The following KCNN2 variants were observed in gnomAD, a reference collection of about 807,000 sequenced individuals.
KCNN2 encodes the protein potassium calcium-activated channel subfamily N member 2.
In KCNN2, 24 loss-of-function variants were observed where a neutral mutation model predicts 55.5. That is an observed-to-expected ratio of 0.43 (90% CI 0.31 to 0.61). The LOEUF is 0.61. Ranked by LOEUF, KCNN2 falls within the 20% of genes least tolerant of loss-of-function variation. The pLI is 0.08. For missense variants in KCNN2, 754 were observed against 853.6 expected, an observed-to-expected ratio of 0.88 and a Z score of 1.45; for synonymous variants, 431 against 336.1, an observed-to-expected ratio of 1.28 and a Z score of -3.09.
chr5:114,353,597 G>T (rs943206240), intron 2 of KCNN2, among the ~76,000 whole-genome samples: 1 of 151,822 alleles, frequency 6.6e-6, no homozygotes, highest in Non-Finnish European at 1.5e-5. Flanking sequence ...TCTGCTTTCA[G>T]CCTGAAAGCT....
upstream of KCNN2, among the ~76,000 whole-genome samples, chr5:114,358,549 T>C (rs994458275): frequency 1.3e-5 from 2 of 152,192 alleles, no homozygotes; most frequent in Non-Finnish European, 2.9e-5. Context: ...CTGGTGTTAA[T>C]CTAGGGAAAT....
At chr5:114,263,781 A>G (rs896854883) in intron 2 of KCNN2, among the ~76,000 whole-genome samples, 3 of 152,216 alleles carry the variant, frequency 2.0e-5, no homozygotes, top group Admixed American at 6.5e-5. Flanking sequence ...CAACTTGACT[A>G]ACACCTTTTA....
intron 1 of KCNN2, among the ~76,000 whole-genome samples, chr5:114,137,612 A>C (rs968425440): frequency 3.3e-5 from 5 of 152,164 alleles, no homozygotes; most frequent in Non-Finnish European, 7.4e-5. Context: ...GGCATGGCTT[A>C]GAGTGGCAAT....
chr5:114,213,223 A>G (rs999969751), intron 1 of KCNN2, among the ~76,000 whole-genome samples: 1 of 152,010 alleles, frequency 6.6e-6, no homozygotes, highest in Non-Finnish European at 1.5e-5. Context: ...TGGGGCATAC[A>G]CTGTCACAAA....
chr5:114,472,108 A>G (rs1761771939), intron 4 of KCNN2, among the ~76,000 whole-genome samples: 5 of 151,984 alleles, frequency 3.3e-5, no homozygotes. Flanking sequence ...CCTTTCACAG[A>G]CCCCTGAGGT....
intron 2 of KCNN2, among the ~76,000 whole-genome samples, chr5:114,225,079 G>T (rs535741422): frequency 6.6e-6 from 1 of 152,128 alleles, no homozygotes; most frequent in Non-Finnish European, 1.5e-5. Flanking sequence ...ACCTGAAAAG[G>T]TTATTTGACT....
chr5:114,416,390 T>C (rs1389006748), intron 3 of KCNN2, among the ~76,000 whole-genome samples: 1 of 152,180 alleles, frequency 6.6e-6, no homozygotes, highest in East Asian at 1.9e-4. Flanking sequence ...AAAACCAAGC[T>C]CCTCCGTCCC....
intron 2 of KCNN2, among the ~76,000 whole-genome samples, chr5:114,316,718 A>G (rs2150027897): frequency 6.6e-6 from 1 of 152,322 alleles, no homozygotes; most frequent in South Asian, 2.1e-4. Flanking sequence ...CCATATCTCT[A>G]AATCATTAAT....
chr5:114,478,000 G>A (rs1180961750), intron 5 of KCNN2, among the ~76,000 whole-genome samples: 1 of 152,112 alleles, frequency 6.6e-6, no homozygotes, highest in African/African-American at 2.4e-5. Flanking sequence ...CAGCCCAGGG[G>A]GTTAACACAT....
At chr5:114,463,010 A>G (rs536546555) in intron 3 of KCNN2, 39 bp from the exon 4 acceptor site, 1 of 1,592,234 alleles carries the variant, frequency 6.3e-7, no homozygotes, top group Admixed American at 1.7e-5. Context: ...CATATTGGAG[A>G]TTAATTATAA....
In KCNN2 at chr5:114,390,864, A is replaced by G. The variant is rs534242347; in HGVS notation, c.1219-13574A>G. ...TGTGAACATAATTGCATGATAATCT[A>G]TCAACATGCATGCATTGCCTTTTTT... On this transcript the variant is annotated intron_variant, in intron 2 of 7. Transcript: ENST00000673685. 1.1e-4 allele frequency among the ~76,000 whole-genome samples: 16 copies of G among 152,322 alleles called. 1 individual carries two copies. In the South Asian group the frequency reaches 2.7e-3, roughly 26 times the overall value.
chr5:114,329,327 G>A (rs1756765757), intron 2 of KCNN2, among the ~76,000 whole-genome samples: 2 of 152,340 alleles, frequency 1.3e-5, no homozygotes, highest in Admixed American at 1.3e-4. Context: ...ATTTGAGTCA[G>A]TGGACTGGGA....
chr5:114,105,063 C>G (rs1263399772), intron 1 of KCNN2, among the ~76,000 whole-genome samples: 1 of 151,996 alleles, frequency 6.6e-6, no homozygotes, highest in Non-Finnish European at 1.5e-5. Flanking sequence ...ATCACGAGTA[C>G]AATTATATAC....
chr5:114,396,692 G>A (rs1758631323), intron 2 of KCNN2, among the ~76,000 whole-genome samples: 1 of 151,970 alleles, frequency 6.6e-6, no homozygotes, highest in Non-Finnish European at 1.5e-5. Flanking sequence ...GGGACTATAG[G>A]CACGCATCAC....
intron 1 of KCNN2, among the ~76,000 whole-genome samples, chr5:114,079,634 A>C (rs933687125): frequency 3.3e-5 from 5 of 152,126 alleles, no homozygotes; most frequent in Admixed American, 2.6e-4. Context: ...AGAACGTAGA[A>C]CAATACTGCA....
intron 7 of KCNN2, among the ~76,000 whole-genome samples, chr5:114,493,717 G>A (rs1238730009): frequency 2.0e-5 from 3 of 152,140 alleles, no homozygotes; most frequent in African/African-American, 7.2e-5. Flanking sequence ...TGATTTGGAA[G>A]TACCATAAGA....
chr5:114,464,279 C>T (rs1216217675), intron 4 of KCNN2, among the ~76,000 whole-genome samples: 1 of 152,172 alleles, frequency 6.6e-6, no homozygotes, highest in Non-Finnish European at 1.5e-5. Context: ...TTTTCAATGA[C>T]CTAGGCTTGT....
At chr5:114,068,977 G>A (rs896188315) in intron 1 of KCNN2, among the ~76,000 whole-genome samples, 2 of 152,036 alleles carry the variant, frequency 1.3e-5, no homozygotes, top group African/African-American at 4.8e-5. Flanking sequence ...ACCACGCCTG[G>A]CTAATTTTTG....
chr5:114,206,388 A>T lies in KCNN2; in HGVS notation c.-270-15092A>T, dbSNP rs370639219. 5.9e-5 allele frequency among the ~76,000 whole-genome samples: 9 copies of T among 152,176 alleles called. No individual in the cohort carries two copies. In the East Asian group the frequency reaches 7.7e-4, roughly 13 times the overall value. ...GTTAAGACGCACCTAAATTCCACAT[A>T]TCCCAAATTCCTCCAGCAGAAGCTC... On this transcript the variant is annotated intron_variant, in intron 1 of 10. Coordinates refer to the KCNN2 transcript ENST00000512097.
Sources: gnomAD v4.1 joint callset for allele counts (sites outside exome capture counted in the v4.1 genomes callset) on GRCh38, gnomAD v4.1.1 for gene constraint, MANE v1.5 for transcripts, NCBI Gene and HGNC (gene_info 2026-07-23, HGNC 2026-07-21) for gene names.